The following HS3ST4 variants were observed in gnomAD, a reference collection of about 807,000 sequenced individuals.
HS3ST4 encodes heparan sulfate-glucosamine 3-sulfotransferase 4, also known as heparan sulfate glucosamine 3-O-sulfotransferase 4.
Under a neutral mutation model 29.2 loss-of-function variants are expected in HS3ST4, and 17 were observed. That is an observed-to-expected ratio of 0.58 (90% CI 0.40 to 0.87). The LOEUF (loss-of-function observed/expected upper bound fraction) is 0.87. HS3ST4 is among the 40% of genes least tolerant of loss of function. The pLI is 0.00. For synonymous variants in HS3ST4, 314 were observed against 285.7 expected (o/e 1.10, Z -1.00); for missense variants, 627 against 634.5 (o/e 0.99, Z 0.13).
At chr16:25,752,066 A>G (rs1479570863) in intron 1 of HS3ST4, among the ~76,000 whole-genome samples, 1 of 152,118 alleles carries the variant, frequency 6.6e-6, no homozygotes, top group East Asian at 1.9e-4. Flanking sequence ...AGAATGGATC[A>G]GACCAGCTTT....
At chr16:25,898,516 A>G (rs1968092352) in intron 1 of HS3ST4, among the ~76,000 whole-genome samples, 1 of 152,254 alleles carries the variant, frequency 6.6e-6, no homozygotes, top group East Asian at 1.9e-4. Flanking sequence ...GACTGCTGTC[A>G]TATAGTATAC....
chr16:26,050,638 C>A (rs1898331130), intron 1 of HS3ST4, among the ~76,000 whole-genome samples: 1 of 152,180 alleles, frequency 6.6e-6, no homozygotes, highest in Non-Finnish European at 1.5e-5. Context: ...CCTTCCGCAC[C>A]ACTCACTAAC....
At chr16:25,911,025 A>C (rs1179335473) in intron 1 of HS3ST4, among the ~76,000 whole-genome samples, 1 of 152,212 alleles carries the variant, frequency 6.6e-6, no homozygotes, top group Non-Finnish European at 1.5e-5. Context: ...AATGTCTGGT[A>C]ATATTGGACT....
At chr16:25,983,126 G>A (rs1421749668) in intron 1 of HS3ST4, among the ~76,000 whole-genome samples, 2 of 152,166 alleles carry the variant, frequency 1.3e-5, no homozygotes, top group African/African-American at 2.4e-5. Flanking sequence ...TGAGTGGAAT[G>A]AAGGGAGAGT....
chr16:25,813,838 C>T (rs1382072796), intron 1 of HS3ST4, among the ~76,000 whole-genome samples: 1 of 152,160 alleles, frequency 6.6e-6, no homozygotes, highest in African/African-American at 2.4e-5. Flanking sequence ...CCCAAATGTC[C>T]ATTATCGGGT....
intron 1 of HS3ST4, among the ~76,000 whole-genome samples, chr16:25,793,341 C>T (rs1966874461): frequency 6.6e-6 from 1 of 151,790 alleles, no homozygotes; most frequent in African/African-American, 2.4e-5. Flanking sequence ...ATATTTTGCT[C>T]TGCTTGTTCT....
chr16:25,754,996 T>C (rs1324222517), intron 1 of HS3ST4, among the ~76,000 whole-genome samples: 1 of 151,464 alleles, frequency 6.6e-6, no homozygotes, highest in Admixed American at 6.6e-5. Context: ...CATCCATCCA[T>C]CTACCCATCA....
At chr16:26,080,995 C>A (rs561027890) in intron 1 of HS3ST4, among the ~76,000 whole-genome samples, 4 of 152,096 alleles carry the variant, frequency 2.6e-5, no homozygotes, top group South Asian at 4.1e-4. Flanking sequence ...GAGTCAAAAT[C>A]TGAATTTAGG....
At chr16:25,846,401 A>G (rs1328000379) in intron 1 of HS3ST4, among the ~76,000 whole-genome samples, 1 of 152,164 alleles carries the variant, frequency 6.6e-6, no homozygotes, top group Admixed American at 6.5e-5. Flanking sequence ...GGGTGCAGGG[A>G]CAGGTACCTA....
intron 1 of HS3ST4, among the ~76,000 whole-genome samples, chr16:25,768,539 G>A (rs1389311103): frequency 6.6e-6 from 1 of 152,184 alleles, no homozygotes; most frequent in Non-Finnish European, 1.5e-5. Context: ...GCTTAGGGAT[G>A]TAGATTGGAC....
chr16:25,734,060 T>C (rs916265961), intron 1 of HS3ST4, among the ~76,000 whole-genome samples: 15 of 152,334 alleles, frequency 9.8e-5, no homozygotes, highest in Admixed American at 9.8e-4. Flanking sequence ...GAGGTTGCAG[T>C]GAGCCGAGAT....
intron 1 of HS3ST4, among the ~76,000 whole-genome samples, chr16:25,695,052 G>A (rs1966284480): frequency 6.6e-6 from 1 of 152,216 alleles, no homozygotes; most frequent in South Asian, 2.1e-4. Flanking sequence ...ATGTTAGGAA[G>A]AGAAGGTATA....
At chr16:26,057,051 A>C (rs1199089744) in intron 1 of HS3ST4, among the ~76,000 whole-genome samples, 7 of 152,200 alleles carry the variant, frequency 4.6e-5, no homozygotes, top group Non-Finnish European at 8.8e-5. Flanking sequence ...GAGTGTCAAC[A>C]TGATGCTCAA....
At chr16:25,938,416 G>A (rs1350628842) in intron 1 of HS3ST4, among the ~76,000 whole-genome samples, 2 of 152,136 alleles carry the variant, frequency 1.3e-5, no homozygotes, top group African/African-American at 4.8e-5. Context: ...AAATAAGTGT[G>A]CATCTTCTGC....
intron 1 of HS3ST4, among the ~76,000 whole-genome samples, chr16:26,028,039 G>A (rs1476411601): frequency 6.6e-6 from 1 of 152,118 alleles, no homozygotes; most frequent in African/African-American, 2.4e-5. Context: ...TTGGGAGGCC[G>A]AGGTGGGTGG....
intron 1 of HS3ST4, among the ~76,000 whole-genome samples, chr16:26,088,610 C>T (rs4520840): frequency 0.6 from 91,777 of 152,074 alleles, 28,469 homozygotes; most frequent in African/African-American, 0.72. Flanking sequence ...CCCAAACATA[C>T]CCATTTCAGT....
intron 1 of HS3ST4, among the ~76,000 whole-genome samples, chr16:25,822,995 CCTAAAGGG>C (rs1429640274): frequency 6.6e-6 from 1 of 152,152 alleles, no homozygotes; most frequent in African/African-American, 2.4e-5. Flanking sequence ...TCCTTTGCCT[CCTAAAGGG>C]CTGGGATTAC....
chr16:25,837,422 G>T (rs944724630), intron 1 of HS3ST4, among the ~76,000 whole-genome samples: 16 of 152,166 alleles, frequency 1.1e-4, no homozygotes, highest in African/African-American at 3.9e-4. Flanking sequence ...AATTTTCCAG[G>T]AACTCTTAAG....
intron 1 of HS3ST4, among the ~76,000 whole-genome samples, chr16:25,696,732 C>T (rs902516287): frequency 2.0e-5 from 3 of 152,182 alleles, no homozygotes; most frequent in Non-Finnish European, 1.5e-5. Flanking sequence ...TCTACAAAGT[C>T]ACGCTTATGC....
Sources: gnomAD v4.1 joint callset for allele counts (sites outside exome capture counted in the v4.1 genomes callset) on GRCh38, gnomAD v4.1.1 for gene constraint, MANE v1.5 for transcripts, NCBI Gene and HGNC (gene_info 2026-07-23, HGNC 2026-07-21) for gene names.